Variants in PLOD2 observed in about 807,000 individuals in gnomAD.
PLOD2 encodes procollagen-lysine,2-oxoglutarate 5-dioxygenase 2, also known as lysine hydroxylase 2.
Under a neutral mutation model 101.0 loss-of-function variants are expected in PLOD2, and 65 were observed. The observed-to-expected ratio is 0.64, with a 90% CI of 0.53 to 0.79. The LOEUF (loss-of-function observed/expected upper bound fraction) is 0.79. PLOD2 is among the 30% of genes least tolerant of loss of function. The pLI is 0.00. For missense variants in PLOD2, 909 were observed against 914.6 expected, an observed-to-expected ratio of 0.99 and a Z score of 0.08; for synonymous variants, 314 against 302.9, an observed-to-expected ratio of 1.04 and a Z score of -0.38.
intron 3 of PLOD2, among the ~76,000 whole-genome samples, chr3:146,114,451 G>C (rs1937803793): frequency 6.6e-6 from 1 of 152,042 alleles, no homozygotes; most frequent in Non-Finnish European, 1.5e-5. Flanking sequence ...ATAAGCAAAA[G>C]TATCCAGCCA....
chr3:146,070,917 A>G (rs1283941955), intron 19 of PLOD2, 45 bp from the exon 20 acceptor site: 1 of 1,553,930 alleles, frequency 6.4e-7, no homozygotes. Flanking sequence ...ATATTTAACC[A>G]GTGGCAAAAT....
chr3:146,106,340 G>C (rs960207631), intron 5 of PLOD2, among the ~76,000 whole-genome samples, 192 bp downstream of exon 5: 1 of 152,202 alleles, frequency 6.6e-6, no homozygotes, highest in African/African-American at 2.4e-5. Context: ...GACATACTAA[G>C]CTAGTGCTGA....
At chr3:146,098,987 A>C (rs1365154998) in intron 7 of PLOD2, among the ~76,000 whole-genome samples, 6 of 152,142 alleles carry the variant, frequency 3.9e-5, no homozygotes, top group Admixed American at 3.9e-4. Flanking sequence ...ATAAAGTATT[A>C]GTGTTAAATG....
At chr3:146,072,519 C>T (rs1435460481) in intron 17 of PLOD2, 42 bp downstream of exon 17, 6 of 1,170,476 alleles carry the variant, frequency 5.1e-6, no homozygotes, top group Non-Finnish European at 7.7e-6. Flanking sequence ...TCTACTTAAC[C>T]CCCACATACA....
At chr3:146,074,887 G>C (rs1936276974) in intron 15 of PLOD2, among the ~76,000 whole-genome samples, 1 of 151,466 alleles carries the variant, frequency 6.6e-6, no homozygotes, top group Non-Finnish European at 1.5e-5. Context: ...TATTAATCAG[G>C]CTGCTTTAAC....
At chr3:146,093,217 C>G (rs528210923) in intron 7 of PLOD2, among the ~76,000 whole-genome samples, 14 of 152,266 alleles carry the variant, frequency 9.2e-5, no homozygotes, top group African/African-American at 3.4e-4. Context: ...GAAACAAACA[C>G]TGCTGAAACA....
At chr3:146,083,880 C>T (rs896016044) in intron 11 of PLOD2, among the ~76,000 whole-genome samples, 12 of 151,516 alleles carry the variant, frequency 7.9e-5, no homozygotes, top group East Asian at 1.9e-4. Context: ...CACACCCGGC[C>T]GGGAATTTTT....
chr3:146,121,257 A>T lies in PLOD2; in HGVS notation c.202-9T>A. The T allele has an allele frequency of 1.2e-6, 2 of 1,611,376 alleles. No homozygotes were observed. Among genetic ancestry groups the T allele is most frequent in the Non-Finnish European group, 1.7e-6 (2 of 1,177,874 alleles). ...TCTCCTTGACCAAGGACCTATAAAC[A>T]AAATCAACATTTCATTCCTGAGCAA... On this transcript the variant is annotated splice_polypyrimidine_tract_variant and intron_variant, in intron 2 of 19. Coordinates refer to ENST00000282903, the MANE Select transcript of PLOD2 (RefSeq NM_182943.3).
At chr3:146,131,384 T>C (rs2030899928) in intron 1 of PLOD2, among the ~76,000 whole-genome samples, 1 of 152,176 alleles carries the variant, frequency 6.6e-6, no homozygotes, top group South Asian at 2.1e-4. Context: ...GTCCGACATA[T>C]TATCCTAGCT....
intron 7 of PLOD2, among the ~76,000 whole-genome samples, chr3:146,097,087 GC>G (rs1937212119): frequency 6.8e-6 from 1 of 146,236 alleles, no homozygotes. Context: ...GAAGTGAGGA[GC>G]CCCTCTGCCC....
intron 7 of PLOD2, among the ~76,000 whole-genome samples, chr3:146,096,842 C>T (rs1286763794): frequency 7.8e-6 from 1 of 128,112 alleles, no homozygotes; most frequent in Non-Finnish European, 1.7e-5. Flanking sequence ...AAGTGAGGAG[C>T]CCCTCTGCCC....
intron 7 of PLOD2, among the ~76,000 whole-genome samples, chr3:146,102,313 T>C (rs1937412746): frequency 6.6e-6 from 1 of 152,182 alleles, no homozygotes; most frequent in Admixed American, 6.5e-5. Flanking sequence ...GTCACTTTCA[T>C]TAACTGTAGT....
intron 1 of PLOD2, among the ~76,000 whole-genome samples, chr3:146,153,620 A>G (rs915715611): frequency 6.6e-6 from 1 of 152,224 alleles, no homozygotes; most frequent in Non-Finnish European, 1.5e-5. Context: ...CCCTAGCATC[A>G]CAAAGCCAAG....
In PLOD2 at chr3:146,089,264, T is replaced by C. The variant is rs1217231878; in HGVS notation, c.880-553A>G. On this transcript the variant is annotated intron_variant, in intron 8 of 19. Transcript: ENST00000282903. Reference sequence around the variant, plus strand: ...TTAATATATCTTATCTTAATGTATATATTTTAATATATTTTCTTAAGTTCT... The same window carrying C: ...TTAATATATCTTATCTTAATGTATACATTTTAATATATTTTCTTAAGTTCT... 7.3e-5 allele frequency among the ~76,000 whole-genome samples: 11 copies of C among 151,508 alleles called. 1 individual carries two copies. The highest frequency in any genetic ancestry group is 7.2e-4 in the Admixed American group (11 of 15,218).
intron 6 of PLOD2, 122 bp downstream of exon 6, chr3:146,104,157 A>C (rs1559850596): frequency 1.4e-6 from 1 of 727,976 alleles, no homozygotes; most frequent in Non-Finnish European, 2.5e-6. Context: ...AGTTACAATA[A>C]TTACAATATT....
intron 1 of PLOD2, among the ~76,000 whole-genome samples, chr3:146,153,713 T>C (rs1406744411): frequency 6.6e-6 from 1 of 151,804 alleles, no homozygotes; most frequent in African/African-American, 2.4e-5. Context: ...ATATTCAGTA[T>C]CTCCTTACTG....
intron 1 of PLOD2, 46 bp downstream of exon 1, chr3:146,160,835 C>T (rs1339182311): frequency 3.2e-6 from 4 of 1,268,082 alleles, no homozygotes; most frequent in East Asian, 2.5e-5. Context: ...ACTGCCCCCC[C>T]GCCGGCCGAG....
chr3:146,122,031 G>A (rs984224762), intron 2 of PLOD2, among the ~76,000 whole-genome samples: 17 of 152,118 alleles, frequency 1.1e-4, no homozygotes, highest in African/African-American at 2.9e-4. Flanking sequence ...TCTACTAAGA[G>A]ATCTGGGAAA....
chr3:146,143,523 T>A (rs541425922), intron 1 of PLOD2, among the ~76,000 whole-genome samples: 23 of 152,168 alleles, frequency 1.5e-4, no homozygotes, highest in African/African-American at 5.5e-4. Context: ...CTAGGCACCA[T>A]CCTCTTCTCC....
Sources: gnomAD v4.1 joint callset for allele counts (sites outside exome capture counted in the v4.1 genomes callset) on GRCh38, gnomAD v4.1.1 for gene constraint, MANE v1.5 for transcripts, NCBI Gene and HGNC (gene_info 2026-07-23, HGNC 2026-07-21) for gene names.